Variants in PDE8B observed in about 807,000 individuals in gnomAD.
PDE8B encodes high affinity cAMP-specific and IBMX-insensitive 3',5'-cyclic phosphodiesterase 8B.
Under a neutral mutation model 101.3 loss-of-function variants are expected in PDE8B, and 26 were observed. The ratio of observed to expected loss-of-function variants is 0.26; its 90% CI spans 0.19 to 0.36. PDE8B has a LOEUF of 0.36. Ranked by LOEUF, PDE8B falls within the 10% of genes least tolerant of loss-of-function variation. The pLI, the probability that PDE8B is intolerant of heterozygous loss-of-function variation, is 1.00. For synonymous variants in PDE8B, 424 were observed against 429.3 expected (o/e 0.99, Z 0.15); for missense variants, 810 against 1,163.1 (o/e 0.70, Z 4.42).
intron 1 of PDE8B, among the ~76,000 whole-genome samples, chr5:77,303,685 A>G (rs180918252): frequency 2.6e-5 from 4 of 152,292 alleles, no homozygotes; most frequent in East Asian, 1.9e-4. Context: ...ACTTGCCTCA[A>G]TTGGGAGTTT....
At chr5:77,173,063 A>G in the PDE8B span, among the ~76,000 whole-genome samples, 2 of 152,216 alleles carry the variant, frequency 1.3e-5, no homozygotes. Flanking sequence ...ACCATCAGCC[A>G]ATCAGTGAAC....
chr5:77,337,323 G>A lies in PDE8B; in HGVS notation c.797+8G>A, dbSNP rs569307874. 6 of 1,384,190 alleles carry A rather than the reference G, an allele frequency of 4.3e-6. No individual in the cohort carries two copies. Among genetic ancestry groups the A allele is most frequent in the Admixed American group, 3.4e-5 (2 of 58,938 alleles). The allele number at this position is 1,384,190 out of a possible 1,614,324, so 85.7% of individuals were successfully genotyped here. On this transcript the variant is annotated splice_region_variant and intron_variant, in intron 6 of 21. Transcript: ENST00000264917. Reference sequence around the variant, plus strand: ...CTCCCAGTTCAAATTACGGTATGTAGCAAAATGATACAGTAACATGAGGTT... The same window carrying A: ...CTCCCAGTTCAAATTACGGTATGTAACAAAATGATACAGTAACATGAGGTT...
At chr5:77,411,593 A>G in intron 14 of PDE8B, 83 bp from the exon 15 acceptor site, 2 of 1,159,448 alleles carry the variant, frequency 1.7e-6, no homozygotes, top group Non-Finnish European at 2.6e-6. Flanking sequence ...CAGGATTCAA[A>G]TCTCTTTCAC....
At chr5:77,256,356 G>A (rs1296541288) in intron 1 of PDE8B, among the ~76,000 whole-genome samples, 2 of 152,126 alleles carry the variant, frequency 1.3e-5, no homozygotes, top group African/African-American at 4.8e-5. Flanking sequence ...CAAGCCATGT[G>A]GGGGATTTGA....
At position 77,376,227 on chromosome 5, in the gene PDE8B, C is replaced by T. The variant is rs117224597; in HGVS notation, c.1167+22821C>T. On this transcript the variant is annotated intron_variant, in intron 10 of 21. Coordinates refer to ENST00000264917, the MANE Select transcript of PDE8B (RefSeq NM_003719.5). The stretch of plus-strand genomic sequence containing the variant: ...AGGGATGGCTGCAGGTTTCAAGGAG[C>T]GAGTAGCTTGAATGTGTGATTCAAG... Among the ~76,000 whole-genome samples the T allele has an allele frequency of 3.4e-4, 51 of 152,206 alleles. 1 individual carries two copies. The East Asian group carries it at 5.4e-3, about 16-fold the overall frequency.
rs886060760 is a variant in PDE8B at position 77,426,582 on chromosome 5, C to G, written c.*28C>G. ...CCAAGCCACAGAGGGGGCCTCTTGA[C>G]CGACAAAGGACACTGTGAATCACAG... On this transcript the variant is annotated 3_prime_UTR_variant, in exon 22 of 22. Coordinates refer to ENST00000264917, the MANE Select transcript of PDE8B (RefSeq NM_003719.5). 1.7e-5 allele frequency: 20 copies of G among 1,164,862 alleles called. No individual in the cohort carries two copies. The highest frequency in any genetic ancestry group is 2.5e-5 in the Non-Finnish European group (19 of 771,282). 72.2% of individuals were successfully genotyped at this position (1,164,862 alleles called of 1,614,324 possible). A position where few individuals can be genotyped will look rare whatever the true frequency, so the allele number is the denominator to read the frequency against.
chr5:77,397,266 G>T (rs1319290650), intron 10 of PDE8B, among the ~76,000 whole-genome samples: 2 of 151,890 alleles, frequency 1.3e-5, no homozygotes, highest in Non-Finnish European at 2.9e-5. Flanking sequence ...CTGACCTCAG[G>T]TGATTCACCT....
At chr5:77,099,717 T>C in the PDE8B span, among the ~76,000 whole-genome samples, 1 of 152,050 alleles carries the variant, frequency 6.6e-6, no homozygotes, top group African/African-American at 2.4e-5. Flanking sequence ...GTTCAAGCGA[T>C]TCCTGTCTCA....
chr5:77,311,890 A>C (rs541048631), intron 1 of PDE8B, 104 bp from the exon 2 acceptor site: 14 of 916,772 alleles, frequency 1.5e-5, no homozygotes, highest in Non-Finnish European at 2.2e-5. Flanking sequence ...GGATTCTTCA[A>C]TTTAGTGCAC....
chr5:77,186,689 C>T, the PDE8B span, among the ~76,000 whole-genome samples: 2 of 152,142 alleles, frequency 1.3e-5, no homozygotes, highest in South Asian at 4.1e-4. Context: ...GCCCAGTGGC[C>T]TTGGGCCTCC....
At chr5:77,346,993 G>T (rs369475666) in intron 7 of PDE8B, among the ~76,000 whole-genome samples, 5 of 152,280 alleles carry the variant, frequency 3.3e-5, no homozygotes, top group East Asian at 1.9e-4. Flanking sequence ...ATCTTCAGAG[G>T]TCAAGTAGCA....
At chr5:77,123,215 C>T in the PDE8B span, among the ~76,000 whole-genome samples, 2 of 152,036 alleles carry the variant, frequency 1.3e-5, no homozygotes, top group East Asian at 1.9e-4. Flanking sequence ...TGCAGAGTCC[C>T]GAGGTGGTGT....
At chr5:77,353,022 A>G (rs1263758379) in intron 9 of PDE8B, among the ~76,000 whole-genome samples, 1 of 152,216 alleles carries the variant, frequency 6.6e-6, no homozygotes, top group Non-Finnish European at 1.5e-5. Context: ...CAGAATTAAA[A>G]CTAATTTATT....
the PDE8B span, among the ~76,000 whole-genome samples, chr5:77,092,083 A>G: frequency 6.6e-6 from 1 of 152,236 alleles, no homozygotes; most frequent in Non-Finnish European, 1.5e-5. Flanking sequence ...AAGTGGCAGC[A>G]TTTAATCAAG....
At position 77,372,684 on chromosome 5, in the gene PDE8B, G is replaced by C. The variant is rs560121566; in HGVS notation, c.1167+19278G>C. Among the ~76,000 whole-genome samples the C allele has an allele frequency of 6.6e-5, 10 of 152,260 alleles. No homozygotes were observed. The South Asian group carries it at 2.1e-3, about 32-fold the overall frequency. Reference sequence around the variant, plus strand: ...TCAGAGAATTTGTCCATTTCATTTAGGCTATCAAATTTTTTGGCAAAAGTG... The same window carrying C: ...TCAGAGAATTTGTCCATTTCATTTACGCTATCAAATTTTTTGGCAAAAGTG... On this transcript the variant is annotated intron_variant, in intron 10 of 21. Coordinates refer to ENST00000264917, the MANE Select transcript of PDE8B (RefSeq NM_003719.5).
chr5:77,147,209 A>G, the PDE8B span: 1 of 312,780 alleles, frequency 3.2e-6, no homozygotes, highest in Non-Finnish European at 6.6e-6. Flanking sequence ...GAAAGCATTT[A>G]AACCCCCTGT....
At chr5:77,358,225 TA>T (rs1163269373) in intron 10 of PDE8B, among the ~76,000 whole-genome samples, 1 of 152,218 alleles carries the variant, frequency 6.6e-6, no homozygotes, top group Non-Finnish European at 1.5e-5. Flanking sequence ...TAAGTAGTGA[TA>T]AAAACAAAAT....
At chr5:77,113,167 CTACTT>C in the PDE8B span, 1 of 152,164 alleles carries the variant, frequency 6.6e-6, no homozygotes, top group Non-Finnish European at 1.5e-5. Context: ...TTGGAAAAAA[CTACTT>C]TAAAGTTCAT....
At chr5:77,305,285 A>G (rs192335421) in intron 1 of PDE8B, among the ~76,000 whole-genome samples, 53 of 152,342 alleles carry the variant, frequency 3.5e-4, no homozygotes, top group African/African-American at 1.1e-3. Context: ...GAGAACTTCT[A>G]GACCAGAGGA....
Sources: gnomAD v4.1 joint callset for allele counts (sites outside exome capture counted in the v4.1 genomes callset) on GRCh38, gnomAD v4.1.1 for gene constraint, MANE v1.5 for transcripts, NCBI Gene and HGNC (gene_info 2026-07-23, HGNC 2026-07-21) for gene names.